SYNE1: variants seen among roughly 807,000 people sequenced by gnomAD.
SYNE1 encodes the protein nesprin-1.
A neutral mutation model predicts 1,111.0 loss-of-function variants in SYNE1; 616 were observed. The observed-to-expected ratio is 0.55, with a 90% CI of 0.52 to 0.59. SYNE1 has a LOEUF of 0.59. Among genes scored for constraint, SYNE1 ranks in the 20% least tolerant of loss-of-function variants. The pLI is 0.00. For missense variants in SYNE1, 10,006 were observed against 10,417.0 expected, an observed-to-expected ratio of 0.96 and a Z score of 1.72; for synonymous variants, 3,855 against 3,825.8, an observed-to-expected ratio of 1.01 and a Z score of -0.28.
intron 36 of SYNE1, among the ~76,000 whole-genome samples, 192 bp from the exon 37 acceptor site, chr6:152,428,584 T>C (rs2098396859): frequency 6.6e-6 from 1 of 152,200 alleles, no homozygotes; most frequent in Non-Finnish European, 1.5e-5. Flanking sequence ...AGGGGGACTA[T>C]AGGTTACAAT....
intron 103 of SYNE1, 59 bp downstream of exon 103, chr6:152,255,532 T>A (rs1429092705): frequency 1.3e-6 from 2 of 1,580,248 alleles, no homozygotes; most frequent in East Asian, 4.5e-5. Flanking sequence ...AATTATCCCA[T>A]CAAAATGTCA....
chr6:152,519,202 G>T (rs1376897662), intron 6 of SYNE1, among the ~76,000 whole-genome samples: 1 of 152,004 alleles, frequency 6.6e-6, no homozygotes, highest in African/African-American at 2.4e-5. Flanking sequence ...TGCTGAGAGG[G>T]CCTAGGAGAA....
chr6:152,310,775 A>G lies in SYNE1; in HGVS notation c.16809T>C (p.Ser5603=). ...LTSVYCTEKM[S]QQVAELGRET... ...CCCGTCCCAGTTCTGCCACTTGCTGAGACATTTTTTCTGTACAGTACACGC... is the reference window on the plus strand; with the variant it reads ...CCCGTCCCAGTTCTGCCACTTGCTGGGACATTTTTTCTGTACAGTACACGC... Residue 5603 remains serine, a synonymous_variant, in exon 88 of 146, where the codon TCT becomes TCC. Transcript: ENST00000367255. 1.9e-6 allele frequency: 3 copies of G among 1,613,890 alleles called. No homozygotes were observed. Among genetic ancestry groups the G allele is most frequent in the Middle Eastern group, 1.7e-4 (1 of 6,060 alleles).
chr6:152,513,029 T>G (rs1327617981), intron 6 of SYNE1, among the ~76,000 whole-genome samples: 1 of 152,122 alleles, frequency 6.6e-6, no homozygotes, highest in African/African-American at 2.4e-5. Flanking sequence ...TTGTTAGAGA[T>G]ATAGAATCTG....
chr6:152,502,860 T>C, intron 9 of SYNE1, 118 bp from the exon 10 acceptor site: 1 of 796,464 alleles, frequency 1.3e-6, no homozygotes, highest in South Asian at 1.6e-5. Flanking sequence ...AAAACAGAAG[T>C]ACTATTTAGA....
chr6:152,280,489 C>T (rs2093965276), intron 97 of SYNE1, among the ~76,000 whole-genome samples: 1 of 151,690 alleles, frequency 6.6e-6, no homozygotes, highest in Non-Finnish European at 1.5e-5. Flanking sequence ...TATGTGTGGA[C>T]CAAGACAATT....
At chr6:152,202,006 G>A (rs2075566876) in intron 126 of SYNE1, 57 bp from the exon 127 acceptor site, 1 of 1,598,908 alleles carries the variant, frequency 6.3e-7, no homozygotes. Context: ...AAACTGGGGG[G>A]GGAAAAGAAA....
chr6:152,157,763 T>C (rs1264770172), intron 131 of SYNE1, among the ~76,000 whole-genome samples: 1 of 149,738 alleles, frequency 6.7e-6, no homozygotes, highest in Non-Finnish European at 1.5e-5. Flanking sequence ...ACAAATTCTT[T>C]TTTTTTTTTT....
At chr6:152,486,222 C>T (rs1206459979) in intron 12 of SYNE1, among the ~76,000 whole-genome samples, 2 of 151,106 alleles carry the variant, frequency 1.3e-5, no homozygotes, top group Non-Finnish European at 3.0e-5. Flanking sequence ...AAAAAAACAA[C>T]AAAAAAATAA....
chr6:152,313,524 G>A (rs1038411586), intron 87 of SYNE1, among the ~76,000 whole-genome samples: 55 of 148,982 alleles, frequency 3.7e-4, no homozygotes, highest in African/African-American at 1.2e-3. Context: ...GTGCAATGGC[G>A]CGATCTAAGC....
chr6:152,477,415 C>A (rs1243479850), intron 14 of SYNE1, among the ~76,000 whole-genome samples: 3 of 151,988 alleles, frequency 2.0e-5, no homozygotes, highest in Non-Finnish European at 4.4e-5. Flanking sequence ...AAGAAGAACA[C>A]AACGGGAATA....
chr6:152,613,936 T>C (rs2099638984), intron 3 of SYNE1, among the ~76,000 whole-genome samples: 1 of 152,170 alleles, frequency 6.6e-6, no homozygotes, highest in African/African-American at 2.4e-5. Flanking sequence ...TAGCCATAGA[T>C]AGAAAGCTGA....
intron 128 of SYNE1, among the ~76,000 whole-genome samples, chr6:152,183,332 C>T (rs529450208): frequency 2.0e-5 from 3 of 152,046 alleles, no homozygotes; most frequent in Non-Finnish European, 2.9e-5. Flanking sequence ...GTCTATGAAT[C>T]GAAGCTGGGC....
rs141182076 is a variant in SYNE1 at position 152,236,759 on chromosome 6, A to T, written c.20199+58T>A. The stretch of plus-strand genomic sequence containing the variant: ...AATAATTGATCACAAGTTTGTTTAC[A>T]TTCTGTTAAAACTATTGGTAAGTTT... On this transcript the variant is annotated intron_variant, in intron 109 of 145. Coordinates refer to ENST00000367255, the MANE Select transcript of SYNE1 (RefSeq NM_182961.4). The T allele has an allele frequency of 4.8e-4, 769 of 1,604,330 alleles. 2 individuals carry two copies. The African/African-American group carries it at 8.3e-3, about 17-fold the overall frequency.
intron 3 of SYNE1, among the ~76,000 whole-genome samples, chr6:152,605,847 G>A (rs2099613450): frequency 6.6e-6 from 1 of 152,106 alleles, no homozygotes; most frequent in East Asian, 1.9e-4. Context: ...TTTCTTGGAT[G>A]TGTATGTGTT....
At chr6:152,538,251 C>CT (rs1288356565) in intron 4 of SYNE1, among the ~76,000 whole-genome samples, 1 of 152,148 alleles carries the variant, frequency 6.6e-6, no homozygotes, top group Non-Finnish European at 1.5e-5. Flanking sequence ...TATACCAGGA[C>CT]TTTCACTGTA....
At chr6:152,327,469 G>T (rs1189985355) in intron 78 of SYNE1, among the ~76,000 whole-genome samples, 1 of 152,124 alleles carries the variant, frequency 6.6e-6, no homozygotes, top group East Asian at 1.9e-4. Flanking sequence ...TGGATGGCTG[G>T]TCCATTCAAT....
At chr6:152,134,725 A>G (rs113961752) in intron 142 of SYNE1, 88 of 238,216 alleles carry the variant, frequency 3.7e-4, no homozygotes, top group African/African-American at 1.8e-3. Context: ...TAATTGTCTC[A>G]TTCTATTCTA....
intron 12 of SYNE1, 102 bp downstream of exon 12, chr6:152,488,294 T>C: frequency 6.1e-6 from 4 of 652,610 alleles, no homozygotes; most frequent in African/African-American, 1.8e-5. Context: ...AAGACTTTTC[T>C]CATTAATGTA....
Sources: gnomAD v4.1 joint callset for allele counts (sites outside exome capture counted in the v4.1 genomes callset) on GRCh38, gnomAD v4.1.1 for gene constraint, MANE v1.5 for transcripts, NCBI Gene and HGNC (gene_info 2026-07-23, HGNC 2026-07-21) for gene names.